Variants in TEX14 observed in about 807,000 individuals in gnomAD.
TEX14 encodes the protein testis expressed 14, intercellular bridge forming factor, also known as inactive serine/threonine-protein kinase TEX14.
A neutral mutation model predicts 178.6 loss-of-function variants in TEX14; 168 were observed. The ratio of observed to expected loss-of-function variants is 0.94; its 90% CI spans 0.83 to 1.07. The LOEUF is 1.07. Ranked by LOEUF, TEX14 falls within the 50% of genes least tolerant of loss-of-function variation. The probability of loss-of-function intolerance (pLI) is 0.00; values close to 1 mark genes in which losing one functional copy is unlikely to be tolerated. For missense variants in TEX14, 1,730 were observed against 1,753.6 expected (o/e 0.99, Z 0.24); for synonymous variants, 626 against 634.1 (o/e 0.99, Z 0.19).
chr17:58,623,917 C>G (rs1180208831), intron 3 of TEX14, among the ~76,000 whole-genome samples: 1 of 151,948 alleles, frequency 6.6e-6, no homozygotes, highest in Non-Finnish European at 1.5e-5. Flanking sequence ...GTTCTCTTAC[C>G]AAGATGCAAT....
intron 10 of TEX14, among the ~76,000 whole-genome samples, chr17:58,609,917 A>G (rs2045705326): frequency 6.6e-6 from 1 of 152,252 alleles, no homozygotes. Flanking sequence ...GAGACCAGAA[A>G]CAAAGCATCA....
chr17:58,631,682 A>T (rs1052215317), intron 2 of TEX14: 3 of 151,620 alleles, frequency 2.0e-5, no homozygotes, highest in East Asian at 1.9e-4. Context: ...GGTCACCAAC[A>T]GCAAACAGCA....
intron 11 of TEX14, among the ~76,000 whole-genome samples, chr17:58,604,334 G>A (rs1484422902): frequency 2.6e-5 from 4 of 151,088 alleles, no homozygotes; most frequent in African/African-American, 9.7e-5. Flanking sequence ...AGTTGGGCGT[G>A]GTGGTGTGCA....
chr17:58,597,667 G>C (rs1231945867), intron 14 of TEX14, among the ~76,000 whole-genome samples: 1 of 152,162 alleles, frequency 6.6e-6, no homozygotes, highest in Admixed American at 6.6e-5. Context: ...CCATGTCTAA[G>C]GGATCTTCCA....
chr17:58,587,900 T>C lies in TEX14; in HGVS notation c.2698A>G (p.Thr900Ala), dbSNP rs369322235. The change falls in exon 16 of 32, where the codon ACC becomes GCC. Residue 900 changes from threonine to alanine, a missense_variant. Physicochemically the swap from Thr to Ala is moderately conservative, Grantham distance 58. Transcript: ENST00000349033. ...CCAGCCCACAAGGATCCTTACCTGG[T>C]AGAGTCCCAGTGACAGCTGGGTGAT... ...SASPSCHWDS[T>A]RMSVEPVSSE... is the part of the protein sequence containing the mutation. 3.3e-6 allele frequency: 5 copies of C among 1,498,144 alleles called. No individual in the cohort carries two copies. Among genetic ancestry groups the C allele is most frequent in the South Asian group, 1.1e-5 (1 of 89,360 alleles). 92.8% of individuals were successfully genotyped at this position (1,498,144 alleles called of 1,614,324 possible).
intron 2 of TEX14, among the ~76,000 whole-genome samples, chr17:58,636,860 C>G (rs189276390): frequency 6.4e-4 from 97 of 151,706 alleles, no homozygotes; most frequent in African/African-American, 2.3e-3. Flanking sequence ...TTGCAGTGAG[C>G]TGAGATCGCG....
At chr17:58,624,328 T>G (rs2046082189) in intron 3 of TEX14, among the ~76,000 whole-genome samples, 1 of 143,172 alleles carries the variant, frequency 7.0e-6, no homozygotes. Flanking sequence ...CATATTTTCT[T>G]TTCTTTTCTT....
intron 1 of TEX14, among the ~76,000 whole-genome samples, chr17:58,685,968 C>T (rs12948150): frequency 1.0e-3 from 140 of 133,828 alleles, no homozygotes; most frequent in African/African-American, 3.9e-3. Flanking sequence ...GCACTCCAGC[C>T]TGGGCGACAG....
At chr17:58,682,297 G>A (rs150141957) in intron 1 of TEX14, among the ~76,000 whole-genome samples, 2,095 of 142,676 alleles carry the variant, frequency 0.015, 21 homozygotes, top group Middle Eastern at 0.057. Flanking sequence ...TTACTCTGTC[G>A]TCCAGGCTAG....
chr17:58,613,470 A>G lies in TEX14; in HGVS notation c.956T>C (p.Val319Ala). 1.2e-6 allele frequency: 2 copies of G among 1,614,134 alleles called. No homozygotes were observed. The highest frequency in any genetic ancestry group is 1.7e-6 in the Non-Finnish European group (2 of 1,180,016). Residue 319 changes from valine to alanine, a missense_variant, in exon 9 of 32, where the codon GTG (valine) becomes GCG (alanine). Val to Ala is a moderately conservative substitution (Grantham distance 64, BLOSUM62 0). Coordinates refer to ENST00000349033, the MANE Select transcript of TEX14 (RefSeq NM_031272.5). ...LSQDLEKTRL[V>A]YERITIGTLF... ...TGTGCCGATAGTGATGCGCTCGTACACAAGGCGGGTTTTCTCTAGGTCCTG... is the reference window on the plus strand; with the variant it reads ...TGTGCCGATAGTGATGCGCTCGTACGCAAGGCGGGTTTTCTCTAGGTCCTG...
intron 2 of TEX14, among the ~76,000 whole-genome samples, chr17:58,639,066 C>T (rs549088568): frequency 1.9e-3 from 283 of 151,356 alleles, no homozygotes; most frequent in African/African-American, 6.6e-3. Context: ...GGGGTTTCAC[C>T]GTGTTAGCCA....
rs557405018 is a variant in TEX14 at position 58,566,921 on chromosome 17, C to A, written c.3887-1097G>T. Among the ~76,000 whole-genome samples the A allele has an allele frequency of 4.6e-5, 7 of 151,114 alleles. No homozygotes were observed. In the South Asian group the frequency reaches 1.5e-3, roughly 32 times the overall value. On this transcript the variant is annotated intron_variant, in intron 26 of 31. Coordinates refer to ENST00000349033, the MANE Select transcript of TEX14 (RefSeq NM_031272.5). ...GTGGCTCACACCTGTAATCCCAGCA[C>A]TTTGGGAGGCTGAGGCAGGTGGATC... is the stretch of plus-strand genomic sequence containing the variant.
intron 17 of TEX14, 38 bp from the exon 18 acceptor site, chr17:58,586,120 T>G (rs374212013): frequency 8.9e-6 from 14 of 1,571,602 alleles, no homozygotes; most frequent in African/African-American, 1.4e-5. Flanking sequence ...AACATCACTG[T>G]AAACACTGGA....
chr17:58,682,065 GAGCCT>G (rs2047509329), intron 1 of TEX14, among the ~76,000 whole-genome samples: 1 of 151,856 alleles, frequency 6.6e-6, no homozygotes, highest in Non-Finnish European at 1.5e-5. Flanking sequence ...GGGGTCAAGT[GAGCCT>G]CCTGAGTAGC....
At chr17:58,616,088 G>C (rs2045865484) in intron 7 of TEX14, 87 bp downstream of exon 7, 8 of 1,429,756 alleles carry the variant, frequency 5.6e-6, no homozygotes, top group Non-Finnish European at 7.6e-6. Context: ...TGTTTGAGTA[G>C]AAACTCCCCA....
intron 2 of TEX14, among the ~76,000 whole-genome samples, chr17:58,642,943 T>C: frequency 6.6e-6 from 1 of 152,208 alleles, no homozygotes; most frequent in East Asian, 1.9e-4. Context: ...TAATCATCCT[T>C]GTATGGGCCT....
At chr17:58,581,468 T>C in intron 19 of TEX14, 1 of 894,012 alleles carries the variant, frequency 1.1e-6, no homozygotes, top group South Asian at 1.5e-5. Context: ...CATGGGTTCA[T>C]ATCACACTCC....
rs746727772 is a variant in TEX14 at position 58,613,525 on chromosome 17, A to G, written c.901T>C (p.Leu301=). The part of the protein sequence containing the change: ...EHSSKLRHPY[L]LQLMAVCLSQ... ...AGACACACAGCCATCAACTGTAGCAAGTAGGGGTGCCGCAGCTTGCTGCAA... is the reference window on the plus strand; with the variant it reads ...AGACACACAGCCATCAACTGTAGCAGGTAGGGGTGCCGCAGCTTGCTGCAA... The change falls in exon 9 of 32, where the codon TTG becomes CTG. Residue 301 remains leucine, a synonymous_variant. Coordinates refer to ENST00000349033, the MANE Select transcript of TEX14 (RefSeq NM_031272.5). The G allele has an allele frequency of 5.3e-5, 85 of 1,614,196 alleles. No homozygotes were observed. Among genetic ancestry groups the G allele is most frequent in the Non-Finnish European group, 7.2e-5 (85 of 1,180,020 alleles).
In TEX14 at chr17:58,619,715, T is replaced by C. The variant is rs1489891140; in HGVS notation, c.554+1935A>G. ...TACTAAGGAGGCTGAGGCAGGAGAA[T>C]TGCTTGAACCCAGGAGACAGAGGTT... On this transcript the variant is annotated intron_variant, in intron 5 of 31. Transcript: ENST00000349033. Among the ~76,000 whole-genome samples the C allele has an allele frequency of 6.0e-5, 9 of 150,388 alleles. No homozygotes were observed. The East Asian group carries it at 7.8e-4, about 13-fold the overall frequency.
Sources: gnomAD v4.1 joint callset for allele counts (sites outside exome capture counted in the v4.1 genomes callset) on GRCh38, gnomAD v4.1.1 for gene constraint, MANE v1.5 for transcripts, NCBI Gene and HGNC (gene_info 2026-07-23, HGNC 2026-07-21) for gene names.